The following SYAP1 variants were observed in gnomAD, a reference collection of about 807,000 sequenced individuals.
SYAP1 encodes synapse associated protein 1.
A neutral mutation model predicts 29.6 loss-of-function variants in SYAP1; 3 were observed. The ratio of observed to expected loss-of-function variants is 0.10; its 90% CI spans 0.05 to 0.26. The LOEUF (loss-of-function observed/expected upper bound fraction) is 0.26, where lower values mean the gene tolerates loss of function less well. Among genes scored for constraint, SYAP1 ranks in the 10% least tolerant of loss-of-function variants. The pLI, the probability that SYAP1 is intolerant of heterozygous loss-of-function variation, is 1.00. For missense variants in SYAP1, 217 were observed against 264.1 expected, an observed-to-expected ratio of 0.82 and a Z score of 1.24; for synonymous variants, 102 against 102.7, an observed-to-expected ratio of 0.99 and a Z score of 0.04.
intron 5 of SYAP1, among the ~76,000 whole-genome samples, chrX:16,744,486 T>C (rs1045871685): frequency 4.4e-5 from 5 of 112,781 alleles, no homozygotes; most frequent in African/African-American, 9.6e-5. Flanking sequence ...CCTTGTCATA[T>C]GGGTGCAGTA....
chrX:16,729,658 G>A (rs776525602), intron 1 of SYAP1, among the ~76,000 whole-genome samples: 18 of 109,763 alleles, frequency 1.6e-4, no homozygotes, highest in Non-Finnish European at 3.2e-4. Flanking sequence ...TAATTTTTGT[G>A]TTTTTAGTAG....
Position 16,764,412 on chromosome X carries a change from G to A in SYAP1, c.*4053G>A, listed in dbSNP as rs534697319. 1.0e-5 allele frequency: 1 copy of A among 98,610 alleles called. No individual in the cohort carries two copies. Among genetic ancestry groups the A allele is most frequent in the Non-Finnish European group, 2.0e-5 (1 of 49,186 alleles). The allele number at this position is 98,610 out of a possible 1,213,427, so 8.1% of individuals were successfully genotyped here. A position where few individuals can be genotyped will look rare whatever the true frequency, so the allele number is the denominator to read the frequency against. On this transcript the variant is annotated 3_prime_UTR_variant, in exon 9 of 9. Coordinates refer to ENST00000380155, the MANE Select transcript of SYAP1 (RefSeq NM_032796.4). ...GGCTCACTCTGTTGCCCTGGCTGGA[G>A]TGCAGTGGCCGCAACCTCGGCTCAC...
intron 1 of SYAP1, among the ~76,000 whole-genome samples, chrX:16,722,968 T>A (rs1287860215): frequency 1.8e-5 from 2 of 112,690 alleles, no homozygotes; most frequent in Non-Finnish European, 3.7e-5. Context: ...GTTAAATATC[T>A]GAATCAGTCA....
intron 2 of SYAP1, among the ~76,000 whole-genome samples, 200 bp downstream of exon 2, chrX:16,735,545 G>A (rs1206979706): frequency 1.8e-5 from 2 of 111,994 alleles, no homozygotes; most frequent in South Asian, 7.3e-4. Context: ...GATTTAAATA[G>A]CTGTTTTTAT....
At chrX:16,741,685 C>G in intron 3 of SYAP1, 31 bp from the exon 4 acceptor site, 1 of 1,120,966 alleles carries the variant, frequency 8.9e-7, no homozygotes. Context: ...ATTTTTTTCT[C>G]TTTTCTTCTT....
chrX:16,739,476 C>CTTTTT (rs760754281), intron 3 of SYAP1, among the ~76,000 whole-genome samples: 16 of 81,518 alleles, frequency 2.0e-4, no homozygotes, highest in East Asian at 4.0e-4. Context: ...CTCTCTCTCT[C>CTTTTT]TTTTTTTTTT....
chrX:16,731,632 T>C (rs1230040956), intron 1 of SYAP1, among the ~76,000 whole-genome samples: 3 of 111,926 alleles, frequency 2.7e-5, no homozygotes, highest in Non-Finnish European at 5.6e-5. Context: ...AATATCAGTG[T>C]TTTATTTATT....
chrX:16,741,693 CTTT>C lies in SYAP1; in HGVS notation c.362-22_362-20del. On this transcript the variant is annotated intron_variant, in intron 3 of 8. Transcript: ENST00000380155. ...ATGACCTATTTTTTTCTCTTTTCTT[CTTT>C]GCCATTAAAAACTGTATAGAAGCAG... is the stretch of plus-strand genomic sequence containing the variant. 1 of 1,151,691 alleles carries C rather than the reference CTTT, an allele frequency of 8.7e-7. No individual in the cohort carries two copies. Among genetic ancestry groups the C allele is most frequent in the Non-Finnish European group, 1.2e-6 (1 of 853,799 alleles). The allele number at this position is 1,151,691 out of a possible 1,213,427, so 94.9% of individuals were successfully genotyped here. A position where few individuals can be genotyped will look rare whatever the true frequency, so the allele number is the denominator to read the frequency against.
chrX:16,741,378 TAGAG>T (rs897000604), intron 3 of SYAP1, among the ~76,000 whole-genome samples: 1 of 110,384 alleles, frequency 9.1e-6, no homozygotes, highest in African/African-American at 3.3e-5. Context: ...TATTTTTTTG[TAGAG>T]AGAGGGTTTT....
intron 3 of SYAP1, among the ~76,000 whole-genome samples, chrX:16,739,047 G>A (rs1279341671): frequency 9.0e-6 from 1 of 111,326 alleles, no homozygotes; most frequent in Non-Finnish European, 1.9e-5. Flanking sequence ...AGTATCTTAG[G>A]AGGGCCTCAT....
At chrX:16,733,524 C>T (rs1258148816) in intron 1 of SYAP1, among the ~76,000 whole-genome samples, 4 of 111,429 alleles carry the variant, frequency 3.6e-5, no homozygotes, top group African/African-American at 1.3e-4. Flanking sequence ...CCTAATGTGC[C>T]AGCTATTTCT....
rs191879852 is a variant in SYAP1 at position 16,761,664 on chromosome X, G to A, written c.*1305G>A. On this transcript the variant is annotated 3_prime_UTR_variant, in exon 9 of 9. Transcript: ENST00000380155. The stretch of plus-strand genomic sequence containing the variant: ...CTCCAGCCTGGGTGACAGAGTGAGA[G>A]ACTCCGTCTCAAAAATGAATGAATG... 26 of 108,946 alleles carry A rather than the reference G, an allele frequency of 2.4e-4. No homozygotes were observed. The highest frequency in any genetic ancestry group is 7.8e-4 in the African/African-American group (23 of 29,491). 9.0% of individuals were successfully genotyped at this position (108,946 alleles called of 1,213,427 possible).
Position 16,763,166 on chromosome X carries a change from G to A in SYAP1, c.*2807G>A, listed in dbSNP as rs1927019561. ...CCAGGTGTGGTAGCCCACACCTGTG[G>A]TCCTAGCTACTTGGAAGGCTGAGGC... On this transcript the variant is annotated 3_prime_UTR_variant, in exon 9 of 9. Coordinates refer to ENST00000380155, the MANE Select transcript of SYAP1 (RefSeq NM_032796.4). 1 of 108,018 alleles carries A rather than the reference G, an allele frequency of 9.3e-6. No individual in the cohort carries two copies. The highest frequency in any genetic ancestry group is 3.4e-5 in the African/African-American group (1 of 29,691). 8.9% of individuals were successfully genotyped at this position (108,018 alleles called of 1,213,427 possible).
chrX:16,752,197 T>C (rs932749752), intron 5 of SYAP1, among the ~76,000 whole-genome samples: 1 of 107,860 alleles, frequency 9.3e-6, no homozygotes, highest in African/African-American at 3.4e-5. Context: ...CAGGCTGGTC[T>C]CAAACTCCTG....
intron 5 of SYAP1, among the ~76,000 whole-genome samples, chrX:16,749,356 C>T (rs1469106833): frequency 1.8e-5 from 2 of 111,248 alleles, no homozygotes; most frequent in East Asian, 5.7e-4. Context: ...CCGTGCCCAG[C>T]CTGGATTTCT....
chrX:16,725,519 G>T (rs748782200), intron 1 of SYAP1, among the ~76,000 whole-genome samples: 1 of 111,887 alleles, frequency 8.9e-6, no homozygotes, highest in Non-Finnish European at 1.9e-5. Context: ...TGTCTTCAAC[G>T]TGGTGTCAGC....
chrX:16,733,273 A>G (rs919019878), intron 1 of SYAP1, among the ~76,000 whole-genome samples: 1 of 111,350 alleles, frequency 9.0e-6, no homozygotes, highest in Non-Finnish European at 1.9e-5. Context: ...ACAGATAAAC[A>G]CTACCAGACA....
In SYAP1 at chrX:16,745,479, C is replaced by T. The variant is rs146760648; in HGVS notation, c.575+1639C>T. On this transcript the variant is annotated intron_variant, in intron 5 of 8. Coordinates refer to ENST00000380155, the MANE Select transcript of SYAP1 (RefSeq NM_032796.4). ...CCTAGGCCGGGTGCAGTTGCTCATG[C>T]CTGTAATTCCAGGACTTTGGGAGGC... Among the ~76,000 whole-genome samples, 849 of 111,230 alleles carry T rather than the reference C, an allele frequency of 7.6e-3. 13 individuals are homozygous for T. Among genetic ancestry groups the T allele is most frequent in the African/African-American group, 0.027 (823 of 30,652 alleles).
chrX:16,723,422 A>G (rs1002618571), intron 1 of SYAP1, among the ~76,000 whole-genome samples: 2 of 111,866 alleles, frequency 1.8e-5, no homozygotes, highest in Non-Finnish European at 3.8e-5. Context: ...TTTTGCAGAA[A>G]AGAAGTCGTA....
Sources: allele counts gnomAD v4.1 joint callset (sites outside exome capture counted in the v4.1 genomes callset), GRCh38; gene constraint gnomAD v4.1.1; transcripts MANE v1.5; gene names NCBI Gene and HGNC (gene_info 2026-07-23, HGNC 2026-07-21).